The following IST1 variants were observed in gnomAD, a reference collection of about 807,000 sequenced individuals.
IST1 encodes the protein IST1 homolog.
In IST1, 23 loss-of-function variants were observed where a neutral mutation model predicts 37.0. The ratio of observed to expected loss-of-function variants is 0.62; its 90% CI spans 0.45 to 0.88. The LOEUF is 0.88. Among genes scored for constraint, IST1 ranks in the 40% least tolerant of loss-of-function variants. The pLI, the probability that IST1 is intolerant of heterozygous loss-of-function variation, is 0.00. For synonymous variants in IST1, 180 were observed against 161.7 expected, an observed-to-expected ratio of 1.11 and a Z score of -0.86; for missense variants, 488 against 445.4, an observed-to-expected ratio of 1.10 and a Z score of -0.86.
Position 71,922,529 on chromosome 16 carries a change from A to T in IST1, c.608A>T (p.Asp203Val). The change falls in exon 7 of 10, where the codon GAT becomes GTT. Residue 203 changes from aspartate (D) to valine (V), a missense_variant. Asp to Val is a radical substitution (Grantham distance 152). Coordinates refer to ENST00000378799, the MANE Select transcript of IST1 (RefSeq NM_001270975.2). ...TDLIDVGFTD[D>V]VKKGGPGRGG... ...CTTATTGATGTTGGATTCACAGATG[A>T]TGTGAAGAAAGGAGGCCCTGGAAGA... 1 of 1,614,122 alleles carries T rather than the reference A, an allele frequency of 6.2e-7. No homozygotes were observed. Among genetic ancestry groups the T allele is most frequent in the South Asian group, 1.1e-5 (1 of 91,086 alleles).
At chr16:71,904,127 G>C (rs1245861162) in intron 1 of IST1, among the ~76,000 whole-genome samples, 1 of 152,030 alleles carries the variant, frequency 6.6e-6, no homozygotes, top group Non-Finnish European at 1.5e-5. Context: ...GTTTGGTGGT[G>C]GTGGTGGTTG....
In IST1 at chr16:71,922,454, G is replaced by T. The variant is rs764367148; in HGVS notation, c.553-20G>T. The stretch of plus-strand genomic sequence containing the variant: ...GCCTTGGACATGGGTTAATGACCTG[G>T]GTTTCTCTTTTTTTCTCAGGCAGAA... On this transcript the variant is annotated intron_variant, in intron 6 of 9. Coordinates refer to ENST00000378799, the MANE Select transcript of IST1 (RefSeq NM_001270975.2). 1 of 1,607,076 alleles carries T rather than the reference G, an allele frequency of 6.2e-7. No individual in the cohort carries two copies. Among genetic ancestry groups the T allele is most frequent in the Non-Finnish European group, 8.5e-7 (1 of 1,174,040 alleles).
chr16:71,925,935 A>C (rs1372394490), intron 9 of IST1, among the ~76,000 whole-genome samples: 1 of 152,054 alleles, frequency 6.6e-6, no homozygotes, highest in African/African-American at 2.4e-5. Context: ...CCCTGTCTTA[A>C]AAAACAAAAA....
intron 1 of IST1, among the ~76,000 whole-genome samples, chr16:71,905,097 G>A (rs965584189): frequency 5.3e-5 from 8 of 150,250 alleles, no homozygotes; most frequent in African/African-American, 1.2e-4. Context: ...GTGTAGTGGC[G>A]TGGTCTCAGC....
In IST1 at chr16:71,930,239, A is replaced by G; in HGVS notation, c.*2426A>G. ...CTGACAATTTAGTTTATACTTTACA[A>G]ACATAAGCTATATGCTAGTGTTTGG... On this transcript the variant is annotated 3_prime_UTR_variant, in exon 10 of 10. Transcript: ENST00000378799. 2 of 1,472,916 alleles carry G rather than the reference A, an allele frequency of 1.4e-6. No individual in the cohort carries two copies. Among genetic ancestry groups the G allele is most frequent in the Admixed American group, 5.1e-5 (2 of 39,348 alleles). The allele number at this position is 1,472,916 out of a possible 1,614,324, so 91.2% of individuals were successfully genotyped here.
intron 4 of IST1, among the ~76,000 whole-genome samples, chr16:71,918,311 C>G (rs551863536): frequency 7.8e-4 from 96 of 123,528 alleles, no homozygotes; most frequent in Non-Finnish European, 1.3e-3. Context: ...TTAGTTAACT[C>G]CCCCCAGAGA....
intron 1 of IST1, among the ~76,000 whole-genome samples, chr16:71,902,921 T>A (rs2037140545): frequency 6.6e-6 from 1 of 152,176 alleles, no homozygotes; most frequent in Non-Finnish European, 1.5e-5. Flanking sequence ...TTTTGTTGTT[T>A]TTGCTTACTT....
Position 71,923,342 on chromosome 16 carries a change from C to A in IST1, c.814C>A (p.Pro272Thr). The A allele has an allele frequency of 1.2e-6, 2 of 1,612,214 alleles. No homozygotes were observed. Among genetic ancestry groups the A allele is most frequent in the South Asian group, 1.1e-5 (1 of 91,034 alleles). ...GTYQAFPNIH[P>T]PQIPATPPSY... The stretch of plus-strand genomic sequence containing the variant: ...TTATCAGGCCTTTCCCAATATTCAT[C>A]CACCTCAGATACCAGCAACTCCCCC... Residue 272 changes from proline to threonine, a missense_variant, in exon 8 of 10, where the codon CCA becomes ACA. Coordinates refer to ENST00000378799, the MANE Select transcript of IST1 (RefSeq NM_001270975.2).
intron 8 of IST1, chr16:71,924,475 C>T: frequency 1.9e-6 from 1 of 519,018 alleles, no homozygotes; most frequent in South Asian, 2.1e-5. Flanking sequence ...CCTGTGGTCC[C>T]AGCTATGCAG....
chr16:71,904,280 C>A (rs370148930), intron 1 of IST1, among the ~76,000 whole-genome samples: 28 of 152,118 alleles, frequency 1.8e-4, no homozygotes, highest in Admixed American at 1.1e-3. Context: ...TATGCCACCA[C>A]GCCTGGCTAA....
chr16:71,913,096 T>A (rs1470346332), intron 1 of IST1, among the ~76,000 whole-genome samples: 1 of 152,222 alleles, frequency 6.6e-6, no homozygotes, highest in East Asian at 1.9e-4. Flanking sequence ...AGTTCTGCTT[T>A]CCGTTCTTTT....
chr16:71,930,165 CT>C lies in IST1; in HGVS notation c.*2353del, dbSNP rs2037885439. 1 of 1,549,144 alleles carries C rather than the reference CT, an allele frequency of 6.5e-7. No homozygotes were observed. The highest frequency in any genetic ancestry group is 1.4e-5 in the African/African-American group (1 of 72,836). ...GTGAGGATCAGAAAGGTGCCCAGGA[CT>C]GGGTCTAAAGCGAAAACCTGGGAAA... On this transcript the variant is annotated 3_prime_UTR_variant, in exon 10 of 10. Transcript: ENST00000378799.
intron 1 of IST1, among the ~76,000 whole-genome samples, chr16:71,905,603 C>G (rs1157649047): frequency 5.3e-5 from 8 of 152,158 alleles, no homozygotes; most frequent in Non-Finnish European, 1.2e-4. Flanking sequence ...TGGTCTTGAA[C>G]TCCTGACCTC....
intron 7 of IST1, chr16:71,923,071 G>A: frequency 2.1e-6 from 1 of 475,364 alleles, no homozygotes; most frequent in Non-Finnish European, 3.7e-6. Context: ...AAACACTGAA[G>A]CACTTGATTC....
At chr16:71,916,307 A>C (rs2037464675) in intron 2 of IST1, among the ~76,000 whole-genome samples, 155 bp from the exon 3 acceptor site, 2 of 152,310 alleles carry the variant, frequency 1.3e-5, no homozygotes, top group East Asian at 1.9e-4. Flanking sequence ...CAGAGTAGCA[A>C]ATTCTACAGT....
chr16:71,924,441 A>G, intron 8 of IST1: 1 of 452,052 alleles, frequency 2.2e-6, no homozygotes. Flanking sequence ...AAATACAAAA[A>G]TTGGCCAGGC....
At chr16:71,896,483 CA>C in intron 1 of IST1, among the ~76,000 whole-genome samples, 1 of 152,238 alleles carries the variant, frequency 6.6e-6, no homozygotes, top group Non-Finnish European at 1.5e-5. Context: ...CAAACACGAT[CA>C]ACTCATGCCT....
intron 7 of IST1, 102 bp from the exon 8 acceptor site, chr16:71,923,186 G>A (rs2037650459): frequency 1.7e-6 from 1 of 584,352 alleles, no homozygotes; most frequent in East Asian, 3.0e-5. Flanking sequence ...TATATATTTA[G>A]TATGAGAATA....
At chr16:71,926,630 G>A (rs893129917) in intron 9 of IST1, among the ~76,000 whole-genome samples, 2 of 151,926 alleles carry the variant, frequency 1.3e-5, no homozygotes, top group Non-Finnish European at 1.5e-5. Context: ...ACAGGCGTGA[G>A]CCACCACGCC....
Sources: gnomAD v4.1 joint callset for allele counts (sites outside exome capture counted in the v4.1 genomes callset) on GRCh38, gnomAD v4.1.1 for gene constraint, MANE v1.5 for transcripts, NCBI Gene and HGNC (gene_info 2026-07-23, HGNC 2026-07-21) for gene names.